Variants in LDAH observed in about 807,000 individuals in gnomAD.
LDAH encodes the protein lipid droplet-associated hydrolase.
LDAH carries 26 observed loss-of-function variants against 29.6 expected under a neutral mutation model. The ratio of observed to expected loss-of-function variants is 0.88; its 90% CI spans 0.64 to 1.22. The LOEUF is 1.22. LDAH is among the 50% of genes most tolerant of loss of function. The pLI, the probability that LDAH is intolerant of heterozygous loss-of-function variation, is 0.00. For synonymous variants in LDAH, 117 were observed against 133.0 expected (o/e 0.88, Z 0.83); for missense variants, 344 against 387.3 (o/e 0.89, Z 0.94).
chr2:20,821,156 A>G (rs958517549), intron 1 of LDAH, among the ~76,000 whole-genome samples: 8 of 152,232 alleles, frequency 5.3e-5, no homozygotes, highest in African/African-American at 1.9e-4. Flanking sequence ...GAACACTTTT[A>G]CACTGTTGGT....
chr2:20,718,532 A>G (rs1665411424), intron 5 of LDAH, among the ~76,000 whole-genome samples: 1 of 152,188 alleles, frequency 6.6e-6, no homozygotes. Context: ...GTTAACAGAA[A>G]TAAAGGGAGA....
intron 1 of LDAH, among the ~76,000 whole-genome samples, chr2:20,813,747 T>C (rs1572691385): frequency 1.3e-5 from 2 of 152,362 alleles, no homozygotes; most frequent in Middle Eastern, 6.8e-3. Context: ...TACCACACTT[T>C]GTAAGTCTTA....
At chr2:20,803,733 AC>A (rs1671877540) in intron 1 of LDAH, among the ~76,000 whole-genome samples, 1 of 152,186 alleles carries the variant, frequency 6.6e-6, no homozygotes, top group South Asian at 2.1e-4. Context: ...CTATAGCCAC[AC>A]TTTCAATGAG....
intron 5 of LDAH, among the ~76,000 whole-genome samples, chr2:20,711,091 C>T (rs1664722481): frequency 1.3e-5 from 2 of 152,020 alleles, no homozygotes; most frequent in South Asian, 4.1e-4. Flanking sequence ...ATGGAAAGGA[C>T]CTGAGAGTGG....
At chr2:20,723,724 G>A (rs1665827543) in intron 5 of LDAH, among the ~76,000 whole-genome samples, 1 of 152,048 alleles carries the variant, frequency 6.6e-6, no homozygotes, top group Admixed American at 6.6e-5. Context: ...AAATAGAAGT[G>A]TAATTTCCTA....
At chr2:20,697,548 A>T (rs1377328854) in intron 6 of LDAH, among the ~76,000 whole-genome samples, 1 of 152,164 alleles carries the variant, frequency 6.6e-6, no homozygotes, top group Non-Finnish European at 1.5e-5. Context: ...TCCCTATATC[A>T]CATGGTTGTC....
At chr2:20,755,408 C>G (rs968454456) in intron 4 of LDAH, among the ~76,000 whole-genome samples, 2 of 152,178 alleles carry the variant, frequency 1.3e-5, no homozygotes, top group Non-Finnish European at 2.9e-5. Flanking sequence ...CACCTTTGAA[C>G]ATATTAATTT....
At chr2:20,735,228 A>G (rs1666693016) in intron 5 of LDAH, among the ~76,000 whole-genome samples, 1 of 152,030 alleles carries the variant, frequency 6.6e-6, no homozygotes, top group Non-Finnish European at 1.5e-5. Flanking sequence ...CCTACTCTCT[A>G]TTTCTAGGAC....
At chr2:20,796,592 G>A (rs1304053512) in intron 2 of LDAH, among the ~76,000 whole-genome samples, 7 of 152,130 alleles carry the variant, frequency 4.6e-5, no homozygotes, top group Non-Finnish European at 7.4e-5. Flanking sequence ...GAAATCCAAA[G>A]AACTTCACCT....
At chr2:20,808,962 ATAG>A (rs751464972) in intron 1 of LDAH, among the ~76,000 whole-genome samples, 46 of 152,198 alleles carry the variant, frequency 3.0e-4, no homozygotes, top group Non-Finnish European at 5.9e-4. Context: ...CAGACAAAAT[ATAG>A]TACTAGGTAT....
intron 5 of LDAH, among the ~76,000 whole-genome samples, chr2:20,736,450 T>TATA (rs1216547074): frequency 6.6e-6 from 1 of 151,706 alleles, no homozygotes; most frequent in Middle Eastern, 3.4e-3. Context: ...TCAAAAAATA[T>TATA]ATAATAATAA....
chr2:20,758,865 G>A (rs1668495971), intron 4 of LDAH, among the ~76,000 whole-genome samples: 1 of 152,160 alleles, frequency 6.6e-6, no homozygotes, highest in Non-Finnish European at 1.5e-5. Flanking sequence ...GGACTGTAAG[G>A]CAAACACAGC....
chr2:20,702,934 C>T (rs1558391567), intron 5 of LDAH, among the ~76,000 whole-genome samples: 1 of 152,242 alleles, frequency 6.6e-6, no homozygotes, highest in African/African-American at 2.4e-5. Flanking sequence ...TCAAGCAATT[C>T]TCCTGCCTCA....
chr2:20,739,834 C>T, intron 5 of LDAH, 137 bp downstream of exon 5: 2 of 588,968 alleles, frequency 3.4e-6, no homozygotes, highest in South Asian at 2.6e-5. Flanking sequence ...TTATTTATTT[C>T]TAGTTTTAAA....
intron 1 of LDAH, among the ~76,000 whole-genome samples, chr2:20,802,736 C>T (rs369832499): frequency 1.3e-5 from 2 of 152,200 alleles, no homozygotes; most frequent in East Asian, 3.8e-4. Flanking sequence ...GCTTCTATAA[C>T]TTTGCTCATA....
intron 4 of LDAH, among the ~76,000 whole-genome samples, chr2:20,741,218 T>G (rs892072457): frequency 9.2e-5 from 14 of 152,174 alleles, no homozygotes; most frequent in South Asian, 4.1e-4. Flanking sequence ...AGTCTATGAC[T>G]TATCTTTTTA....
chr2:20,707,538 G>C (rs1168375798), intron 5 of LDAH, among the ~76,000 whole-genome samples: 3 of 152,330 alleles, frequency 2.0e-5, no homozygotes, highest in South Asian at 4.1e-4. Flanking sequence ...AGTGGTTTTT[G>C]GTAGGGCAGA....
intron 5 of LDAH, among the ~76,000 whole-genome samples, chr2:20,704,423 A>G (rs1483137771): frequency 6.6e-6 from 1 of 152,246 alleles, no homozygotes; most frequent in Non-Finnish European, 1.5e-5. Context: ...AAATTAAAGC[A>G]ACAGAGATTT....
intron 5 of LDAH, among the ~76,000 whole-genome samples, chr2:20,718,414 CA>C (rs1036170321): frequency 1.4e-3 from 207 of 151,662 alleles, no homozygotes; most frequent in African/African-American, 4.5e-3. Context: ...TAAAAAGAGA[CA>C]AAAAAGGCCA....
Sources: allele counts gnomAD v4.1 joint callset (sites outside exome capture counted in the v4.1 genomes callset), GRCh38; gene constraint gnomAD v4.1.1; transcripts MANE v1.5; gene names NCBI Gene and HGNC (gene_info 2026-07-23, HGNC 2026-07-21).